Variants in TTC38 observed in about 807,000 individuals in gnomAD.
TTC38 encodes tetratricopeptide repeat domain 38, also known as tetratricopeptide repeat protein 38.
A neutral mutation model predicts 64.2 loss-of-function variants in TTC38; 64 were observed. The ratio of observed to expected loss-of-function variants is 1.00; its 90% CI spans 0.81 to 1.23. TTC38 has a LOEUF of 1.23. TTC38 is among the 50% of genes most tolerant of loss of function. TTC38 has a pLI of 0.00. For synonymous variants in TTC38, 254 were observed against 249.3 expected (o/e 1.02, Z -0.18); for missense variants, 573 against 615.5 (o/e 0.93, Z 0.73).
chr22:46,268,176 G>C, intron 1 of TTC38, 104 bp downstream of exon 1: 1 of 1,340,670 alleles, frequency 7.5e-7, no homozygotes, highest in Non-Finnish European at 1.0e-6. Context: ...CGCGGGGCGT[G>C]GGGTGAGCCC....
chr22:46,278,172 T>C (rs2077507185), intron 5 of TTC38, among the ~76,000 whole-genome samples: 1 of 152,160 alleles, frequency 6.6e-6, no homozygotes, highest in African/African-American at 2.4e-5. Flanking sequence ...AGCAGACAGG[T>C]ACTCACAGCT....
At chr22:46,286,978 G>A (rs2147799660) in intron 9 of TTC38, 95 bp from the exon 10 acceptor site, 2 of 945,348 alleles carry the variant, frequency 2.1e-6, no homozygotes, top group Admixed American at 2.1e-5. Context: ...CTCTATGCAG[G>A]CCCCACCCCA....
At chr22:46,287,322 G>T (rs1445406835) in intron 10 of TTC38, among the ~76,000 whole-genome samples, 168 bp downstream of exon 10, 1 of 152,228 alleles carries the variant, frequency 6.6e-6, no homozygotes, top group Non-Finnish European at 1.5e-5. Context: ...CTGCCTCCCA[G>T]CTGGCCCAAA....
At position 46,271,803 on chromosome 22, in the gene TTC38, G is replaced by T. The variant is rs533754982; in HGVS notation, c.112-532G>T. On this transcript the variant is annotated intron_variant, in intron 2 of 13. Coordinates refer to ENST00000381031, the MANE Select transcript of TTC38 (RefSeq NM_017931.4). The surrounding 1 kb of genome is among the most constrained non-coding windows in gnomAD (Gnocchi z 5.5). The stretch of plus-strand genomic sequence containing the variant: ...TGGGATTACAGGCGTGAGCCATCGC[G>T]CCCAGCCAGAACCTGCCTTTTGATG... Among the ~76,000 whole-genome samples, 12 of 152,224 alleles carry T rather than the reference G, an allele frequency of 7.9e-5. No individual in the cohort carries two copies. The East Asian group carries it at 1.9e-3, about 25-fold the overall frequency.
In TTC38 at chr22:46,292,744, T is replaced by A. The variant is rs2077625115; in HGVS notation, c.1317-47T>A. 1.1e-5 allele frequency: 17 copies of A among 1,538,954 alleles called. No individual in the cohort carries two copies. Among genetic ancestry groups the A allele is most frequent in the Non-Finnish European group, 1.5e-5 (17 of 1,113,414 alleles). Reference sequence around the variant, plus strand: ...GACCAAGGGACCACCAGGCCCCACATCCCTCTAGAAGGTTCTGTAACAGGA... The same window carrying A: ...GACCAAGGGACCACCAGGCCCCACAACCCTCTAGAAGGTTCTGTAACAGGA... On this transcript the variant is annotated intron_variant, in intron 13 of 13. Coordinates refer to ENST00000381031, the MANE Select transcript of TTC38 (RefSeq NM_017931.4). The surrounding 1 kb of genome is among the most constrained non-coding windows in gnomAD (Gnocchi z 6.5).
At chr22:46,279,516 T>C (rs915715440) in intron 6 of TTC38, among the ~76,000 whole-genome samples, 2 of 152,196 alleles carry the variant, frequency 1.3e-5, no homozygotes, top group East Asian at 1.9e-4. Context: ...TACCTGGCAA[T>C]GGCTGTCCTT....
chr22:46,287,116 T>C lies in TTC38; in HGVS notation c.878T>C (p.Val293Ala). Reference sequence around the variant, plus strand: ...GCCAACGATGCAATGCTGGACGTGGTGGACAGCTGCTCCATGCTCTACCGC... The same window carrying C: ...GCCAACGATGCAATGCTGGACGTGGCGGACAGCTGCTCCATGCTCTACCGC... ...LQANDAMLDV[V>A]DSCSMLYRLQ... Residue 293 changes from valine (V) to alanine (A), a missense_variant, in exon 10 of 14, where the codon GTG becomes GCG. Transcript: ENST00000381031. 6.2e-7 allele frequency: 1 copy of C among 1,606,274 alleles called. No individual in the cohort carries two copies. Among genetic ancestry groups the C allele is most frequent in the Middle Eastern group, 1.7e-4 (1 of 6,042 alleles).
At chr22:46,285,163 C>T in intron 8 of TTC38, 78 bp from the exon 9 acceptor site, 1 of 1,349,944 alleles carries the variant, frequency 7.4e-7, no homozygotes, top group Admixed American at 1.7e-5. Context: ...GGTCTTTGGC[C>T]TGGCCGTTCT....
At chr22:46,285,172 C>A in intron 8 of TTC38, 69 bp from the exon 9 acceptor site, 1 of 1,440,924 alleles carries the variant, frequency 6.9e-7, no homozygotes, top group Admixed American at 1.7e-5. Context: ...CCTGGCCGTT[C>A]TCAGTTCACG....
intron 10 of TTC38, 65 bp from the exon 11 acceptor site, chr22:46,288,358 G>C: frequency 2.6e-6 from 4 of 1,511,974 alleles, no homozygotes; most frequent in Non-Finnish European, 2.7e-6. Context: ...CGTGAGGGAG[G>C]CCCTTGCACG....
In TTC38 at chr22:46,292,275, C is replaced by T; in HGVS notation, c.1317-516C>T. The stretch of plus-strand genomic sequence containing the variant: ...CACAGTTCACTGTAAACTCAAACTC[C>T]TGGGCTCAAGGAATCTTCCTGCCTC... On this transcript the variant is annotated intron_variant, in intron 13 of 13. Coordinates refer to ENST00000381031, the MANE Select transcript of TTC38 (RefSeq NM_017931.4). This position sits in a 1 kb window ranked among gnomAD's most constrained non-coding sequence, Gnocchi z 6.5. 4 of 430,582 alleles carry T rather than the reference C, an allele frequency of 9.3e-6. No individual in the cohort carries two copies. Among genetic ancestry groups the T allele is most frequent in the South Asian group, 6.9e-5 (4 of 58,318 alleles). The allele number at this position is 430,582 out of a possible 1,614,324, so 26.7% of individuals were successfully genotyped here. A position where few individuals can be genotyped will look rare whatever the true frequency, so the allele number is the denominator to read the frequency against.
rs1429160581 is a variant in TTC38, at chr22:46,291,467, G to GCTAC, written c.1317-1322_1317-1319dup. 1.3e-5 allele frequency among the ~76,000 whole-genome samples: 2 copies of GCTAC among 152,152 alleles called. No individual in the cohort carries two copies. The highest frequency in any genetic ancestry group is 6.6e-5 in the Admixed American group (1 of 15,262). On this transcript the variant is annotated intron_variant, in intron 13 of 13. Coordinates refer to ENST00000381031, the MANE Select transcript of TTC38 (RefSeq NM_017931.4). This position sits in a 1 kb window ranked among gnomAD's most constrained non-coding sequence, Gnocchi z 4.6. ...GGGCCTTCTCTCCAAGTCCTGTCCT[G>GCTAC]CTACCAGGCAGCATCCATGGGGCCA...
At position 46,281,803 on chromosome 22, in the gene TTC38, C is replaced by T. The variant is rs887980504; in HGVS notation, c.735+85C>T. 49 of 1,565,218 alleles carry T rather than the reference C, an allele frequency of 3.1e-5. No homozygotes were observed. The African/African-American group carries it at 5.7e-4, about 18-fold the overall frequency. ...GCCAAGGCTTTATGGACAAGAGTTA[C>T]AGGGCATGGCTTAATTCTCGGGGTT... is the stretch of plus-strand genomic sequence containing the variant. On this transcript the variant is annotated intron_variant, in intron 7 of 13. Coordinates refer to ENST00000381031, the MANE Select transcript of TTC38 (RefSeq NM_017931.4). This position sits in a 1 kb window ranked among gnomAD's most constrained non-coding sequence, Gnocchi z 5.2.
chr22:46,289,216 C>G (rs1321155190), intron 11 of TTC38, among the ~76,000 whole-genome samples, 186 bp from the exon 12 acceptor site: 2 of 152,096 alleles, frequency 1.3e-5, no homozygotes, highest in Non-Finnish European at 2.9e-5. Context: ...CGAACTCCAA[C>G]CCAGCTCTGA....
At chr22:46,279,827 G>A (rs1377073808) in intron 6 of TTC38, among the ~76,000 whole-genome samples, 1 of 152,184 alleles carries the variant, frequency 6.6e-6, no homozygotes, top group Admixed American at 6.5e-5. Context: ...AAAGTCCCTT[G>A]GAGACCATGG....
At position 46,293,036 on chromosome 22, in the gene TTC38, G is replaced by A. The variant is rs763246864; in HGVS notation, c.*152G>A. 4.7e-5 allele frequency: 28 copies of A among 601,118 alleles called. No individual in the cohort carries two copies. Among genetic ancestry groups the A allele is most frequent in the East Asian group, 1.1e-4 (4 of 36,148 alleles). 37.2% of individuals were successfully genotyped at this position (601,118 alleles called of 1,614,324 possible). A position where few individuals can be genotyped will look rare whatever the true frequency, so the allele number is the denominator to read the frequency against. On this transcript the variant is annotated 3_prime_UTR_variant, in exon 14 of 14. Transcript: ENST00000381031. This position sits in a 1 kb window ranked among gnomAD's most constrained non-coding sequence, Gnocchi z 6.6. ...TTCAGTTTTACAGGAAGTGGGTCAC[G>A]GGTTAATTTTAAATGTGATTCCGAA...
chr22:46,288,570 C>T lies in TTC38; in HGVS notation c.1064C>T (p.Thr355Ile). 1 of 1,613,612 alleles carries T rather than the reference C, an allele frequency of 6.2e-7. No individual in the cohort carries two copies. The highest frequency in any genetic ancestry group is 8.5e-7 in the Non-Finnish European group (1 of 1,179,676). Residue 355 changes from threonine to isoleucine, a missense_variant, in exon 11 of 14, where the codon ACC becomes ATC. Physicochemically the swap from Thr to Ile is moderately conservative, Grantham distance 89. Transcript: ENST00000381031. ...DPQTTQELLTTLRDASESPGE... is the reference protein window; with the variant it reads ...DPQTTQELLTILRDASESPGE... ...CAGACCACACAGGAGCTGCTGACCA[C>T]CCTGCGGGACGCCAGCGAGTATGCA...
rs1330266567 is a variant in TTC38, at chr22:46,268,120, TG to T, written c.33+53del. 10 of 1,518,690 alleles carry T rather than the reference TG, an allele frequency of 6.6e-6. No individual in the cohort carries two copies. The African/African-American group carries it at 1.1e-4, about 17-fold the overall frequency. 94.1% of individuals were successfully genotyped at this position (1,518,690 alleles called of 1,614,324 possible). On this transcript the variant is annotated intron_variant, in intron 1 of 13. Coordinates refer to ENST00000381031, the MANE Select transcript of TTC38 (RefSeq NM_017931.4). ...CAGGTCCCCCTCGGGCCCCGGGTCCTGGGGGTGGCCCGGTGCTGGCGGAATA... is the reference window on the plus strand; with the variant it reads ...CAGGTCCCCCTCGGGCCCCGGGTCCTGGGGTGGCCCGGTGCTGGCGGAATA...
rs1353146095 is a variant in TTC38, at chr22:46,291,313, G to A, written c.1316+1414G>A. Among the ~76,000 whole-genome samples, 1 of 152,206 alleles carries A rather than the reference G, an allele frequency of 6.6e-6. No homozygotes were observed. Among genetic ancestry groups the A allele is most frequent in the East Asian group, 1.9e-4 (1 of 5,188 alleles). ...GTGGCTGTGTGGACAGGAGGGCTGA[G>A]GATGGAGCTGGGGTGACATCTGTGG... On this transcript the variant is annotated intron_variant, in intron 13 of 13. Coordinates refer to ENST00000381031, the MANE Select transcript of TTC38 (RefSeq NM_017931.4). This position sits in a 1 kb window ranked among gnomAD's most constrained non-coding sequence, Gnocchi z 4.6.
Sources: allele counts gnomAD v4.1 joint callset (sites outside exome capture counted in the v4.1 genomes callset), GRCh38; gene constraint gnomAD v4.1.1; non-coding constraint Gnocchi (gnomAD v3.1); transcripts MANE v1.5; gene names NCBI Gene and HGNC (gene_info 2026-07-23, HGNC 2026-07-21).